Variants in CNTNAP2 observed in about 807,000 individuals in gnomAD.
CNTNAP2 encodes the protein contactin-associated protein-like 2.
In CNTNAP2, 98 loss-of-function variants were observed where a neutral mutation model predicts 155.2. That is an observed-to-expected ratio of 0.63 (90% CI 0.54 to 0.75). The LOEUF is 0.75. Among genes scored for constraint, CNTNAP2 ranks in the 30% least tolerant of loss-of-function variants. CNTNAP2 has a pLI of 0.00. For missense variants in CNTNAP2, 1,727 were observed against 1,688.1 expected (o/e 1.02, Z -0.40); for synonymous variants, 651 against 631.2 (o/e 1.03, Z -0.47).
At chr7:146,302,709 G>T (rs981587046) in intron 1 of CNTNAP2, among the ~76,000 whole-genome samples, 1 of 152,044 alleles carries the variant, frequency 6.6e-6, no homozygotes, top group Non-Finnish European at 1.5e-5. Flanking sequence ...TAAAATGTGG[G>T]TCAAACCATA....
intron 1 of CNTNAP2, among the ~76,000 whole-genome samples, chr7:146,273,048 G>T (rs940574593): frequency 9.3e-5 from 14 of 151,074 alleles, no homozygotes; most frequent in Admixed American, 5.9e-4. Context: ...ATTGGCACAT[G>T]TGTGGGATGG....
chr7:147,056,077 C>T (rs755828394), intron 4 of CNTNAP2, among the ~76,000 whole-genome samples: 1 of 152,154 alleles, frequency 6.6e-6, no homozygotes, highest in Non-Finnish European at 1.5e-5. Context: ...AATTTAATAT[C>T]ACCGTATAGG....
In CNTNAP2 at chr7:147,166,978, C is replaced by CAGT. The variant is rs1802125976; in HGVS notation, c.1348+34476_1348+34478dup. Among the ~76,000 whole-genome samples, 4 of 152,090 alleles carry CAGT rather than the reference C, an allele frequency of 2.6e-5. No individual in the cohort carries two copies. In the South Asian group the frequency reaches 8.3e-4, roughly 32 times the overall value. On this transcript the variant is annotated intron_variant, in intron 8 of 23. Coordinates refer to ENST00000361727, the MANE Select transcript of CNTNAP2 (RefSeq NM_014141.6). The stretch of plus-strand genomic sequence containing the variant: ...TGTTTGCCCAGTTTTTAAACAAACC[C>CAGT]AGTAGTAGTTTTGTTATATCTAGAA...
chr7:148,130,607 C>T (rs1335091416), intron 16 of CNTNAP2, among the ~76,000 whole-genome samples: 13 of 152,150 alleles, frequency 8.5e-5, no homozygotes, highest in African/African-American at 2.2e-4. Context: ...AAGTGATTTA[C>T]GGCCTAACTT....
intron 1 of CNTNAP2, among the ~76,000 whole-genome samples, chr7:146,282,329 C>T (rs1255666101): frequency 6.6e-6 from 1 of 152,224 alleles, no homozygotes; most frequent in Admixed American, 6.5e-5. Flanking sequence ...TTCTCTGATG[C>T]TTGCAGACAC....
intron 3 of CNTNAP2, among the ~76,000 whole-genome samples, chr7:146,888,607 T>C (rs1795715980): frequency 6.6e-6 from 1 of 152,054 alleles, no homozygotes; most frequent in South Asian, 2.1e-4. Context: ...TTTTTTTTCA[T>C]CTTGATAAGA....
intron 3 of CNTNAP2, among the ~76,000 whole-genome samples, chr7:146,932,893 C>G (rs1286154546): frequency 1.3e-5 from 2 of 152,092 alleles, no homozygotes; most frequent in East Asian, 3.9e-4. Flanking sequence ...ATGTGAAGGA[C>G]CTCTTCAAGG....
chr7:147,411,488 A>T (rs74535956), intron 10 of CNTNAP2, among the ~76,000 whole-genome samples: 8,712 of 152,252 alleles, frequency 0.057, 376 homozygotes, highest in Non-Finnish European at 0.091. Context: ...CACATGTAAG[A>T]TGTCTGAAAT....
chr7:146,326,924 A>G (rs946117966), intron 1 of CNTNAP2, among the ~76,000 whole-genome samples: 2 of 152,190 alleles, frequency 1.3e-5, no homozygotes, highest in African/African-American at 4.8e-5. Flanking sequence ...GTCGAAGAAA[A>G]TATTTCTCTT....
intron 1 of CNTNAP2, among the ~76,000 whole-genome samples, chr7:146,136,481 G>A (rs868794674): frequency 1.3e-5 from 2 of 152,132 alleles, no homozygotes; most frequent in Non-Finnish European, 2.9e-5. Flanking sequence ...CGGGAAGTCA[G>A]GACAGAAGAG....
intron 11 of CNTNAP2, among the ~76,000 whole-genome samples, chr7:147,560,985 T>C (rs1800051617): frequency 6.6e-6 from 1 of 151,518 alleles, no homozygotes; most frequent in Non-Finnish European, 1.5e-5. Flanking sequence ...TCTAGTGAAT[T>C]TGACTGGAGA....
intron 12 of CNTNAP2, among the ~76,000 whole-genome samples, chr7:147,567,445 G>A (rs1438773992): frequency 6.6e-6 from 1 of 152,138 alleles, no homozygotes; most frequent in Admixed American, 6.5e-5. Context: ...TGACAGCTGT[G>A]AATAATATTC....
intron 14 of CNTNAP2, among the ~76,000 whole-genome samples, chr7:147,949,199 T>TA (rs980635514): frequency 6.1e-5 from 9 of 148,690 alleles, no homozygotes; most frequent in South Asian, 2.1e-4. Flanking sequence ...AAACTCCGTC[T>TA]AAAAAAAAAG....
At chr7:146,349,794 G>A (rs1484207870) in intron 1 of CNTNAP2, among the ~76,000 whole-genome samples, 2 of 151,906 alleles carry the variant, frequency 1.3e-5, no homozygotes, top group Non-Finnish European at 2.9e-5. Context: ...TTGAATATTG[G>A]CCCCCACTCT....
At chr7:147,425,843 G>T (rs989766397) in intron 10 of CNTNAP2, among the ~76,000 whole-genome samples, 1 of 151,998 alleles carries the variant, frequency 6.6e-6, no homozygotes, top group Non-Finnish European at 1.5e-5. Context: ...AGTTTAACAC[G>T]GTATTTCCAT....
At chr7:147,054,609 CT>C (rs1192732359) in intron 4 of CNTNAP2, among the ~76,000 whole-genome samples, 16 of 152,098 alleles carry the variant, frequency 1.1e-4, no homozygotes, top group African/African-American at 3.4e-4. Flanking sequence ...CCTTTATTAG[CT>C]TTTATTCTTA....
At chr7:146,655,663 A>C (rs932034243) in intron 1 of CNTNAP2, among the ~76,000 whole-genome samples, 9 of 152,076 alleles carry the variant, frequency 5.9e-5, no homozygotes, top group African/African-American at 2.2e-4. Flanking sequence ...AATAAATTGA[A>C]CATGAATAAT....
intron 3 of CNTNAP2, among the ~76,000 whole-genome samples, chr7:146,870,417 C>G (rs892181432): frequency 9.9e-5 from 15 of 152,056 alleles, no homozygotes; most frequent in African/African-American, 3.4e-4. Context: ...TCTGTGAGAT[C>G]AGTAGTAACA....
chr7:148,242,987 C>T (rs1796187406), intron 20 of CNTNAP2, among the ~76,000 whole-genome samples: 1 of 152,178 alleles, frequency 6.6e-6, no homozygotes, highest in African/African-American at 2.4e-5. Flanking sequence ...CAAACCCCCC[C>T]TTTGTGGGTA....
Sources: allele counts gnomAD v4.1 joint callset (sites outside exome capture counted in the v4.1 genomes callset), GRCh38; gene constraint gnomAD v4.1.1; transcripts MANE v1.5; gene names NCBI Gene and HGNC (gene_info 2026-07-23, HGNC 2026-07-21).